Variants in SCGB2A2 observed in about 807,000 individuals in gnomAD.
The protein encoded by SCGB2A2 is secretoglobin family 2A member 2.
In SCGB2A2, 11 loss-of-function variants were observed where a neutral mutation model predicts 8.8. That is an observed-to-expected ratio of 1.25 (90% confidence interval 0.79 to 2.07). The LOEUF (loss-of-function observed/expected upper bound fraction) is 2.07. SCGB2A2 is among the 30% of genes most tolerant of loss of function. The probability of loss-of-function intolerance (pLI) is 0.00; values close to 1 mark genes in which losing one functional copy is unlikely to be tolerated. For synonymous variants in SCGB2A2, 42 were observed against 40.9 expected (o/e 1.03, Z -0.10); for missense variants, 113 against 109.9 (o/e 1.03, Z -0.13).
At chr11:62,271,488 C>A in intron 2 of SCGB2A2, 3 of 1,262,618 alleles carry the variant, frequency 2.4e-6, no homozygotes, top group Non-Finnish European at 3.0e-6. Context: ...CATAGACAGA[C>A]AGGCAAAGAC....
At chr11:62,271,748 C>G (rs1176017319) in intron 2 of SCGB2A2, 6 of 986,080 alleles carry the variant, frequency 6.1e-6, no homozygotes, top group Non-Finnish European at 7.2e-6. Context: ...TTAAAAAATG[C>G]CCTATTTTTC....
intron 1 of SCGB2A2, 106 bp from the exon 2 acceptor site, chr11:62,270,775 G>A (rs1225341113): frequency 1.3e-6 from 1 of 793,522 alleles, no homozygotes; most frequent in Non-Finnish European, 2.0e-6. Context: ...CATTATCTTT[G>A]AGTCTATATT....
intron 2 of SCGB2A2, chr11:62,271,562 C>A: frequency 1.8e-6 from 2 of 1,084,486 alleles, no homozygotes; most frequent in Non-Finnish European, 2.2e-6. Flanking sequence ...CACAAACACA[C>A]AGACAGAACC....
At chr11:62,270,828 C>T (rs1945271166) in intron 1 of SCGB2A2, 53 bp from the exon 2 acceptor site, 4 of 1,436,482 alleles carry the variant, frequency 2.8e-6, no homozygotes, top group Admixed American at 1.8e-5. Flanking sequence ...AGGTCTGCCC[C>T]AAGCCTTTCA....
rs376630772 is a variant in SCGB2A2 at position 62,270,962 on chromosome 11, T to C, written c.137T>C (p.Leu46Pro). 1.6e-5 allele frequency: 26 copies of C among 1,614,050 alleles called. No homozygotes were observed. Among genetic ancestry groups the C allele is most frequent in the Non-Finnish European group, 2.0e-5 (24 of 1,179,998 alleles). ...QVSKTEYKEL[L>P]QEFIDDNATT... ...TCTAAGACTGAATACAAAGAACTTC[T>C]TCAAGAGTTCATAGACGACAATGCC... is the stretch of plus-strand genomic sequence containing the variant. Residue 46 changes from leucine (L) to proline (P), a missense_variant, in exon 2 of 3, where the codon CTT (leucine) becomes CCT (proline). Coordinates refer to ENST00000227918, the MANE Select transcript of SCGB2A2 (RefSeq NM_002411.4).
At chr11:62,271,608 C>T in intron 2 of SCGB2A2, 1 of 1,031,998 alleles carries the variant, frequency 9.7e-7, no homozygotes, top group Non-Finnish European at 1.2e-6. Context: ...CACACAAACA[C>T]ACTCAGACAC....
chr11:62,272,913 A>C, intron 2 of SCGB2A2, 44 bp from the exon 3 acceptor site: 2 of 1,407,100 alleles, frequency 1.4e-6, no homozygotes, highest in Non-Finnish European at 2.0e-6. Flanking sequence ...ATTTTGTTAG[A>C]GAGTGCAGAA....
In SCGB2A2 at chr11:62,270,969, G is replaced by A. The variant is rs1181662134; in HGVS notation, c.144G>A (p.Glu48=). The change falls in exon 2 of 3, where the codon GAG becomes GAA. Residue 48 remains glutamate (E), a synonymous_variant. Coordinates refer to ENST00000227918, the MANE Select transcript of SCGB2A2 (RefSeq NM_002411.4). ...CTGAATACAAAGAACTTCTTCAAGA[G>A]TTCATAGACGACAATGCCACTACAA... The part of the protein sequence containing the change: ...SKTEYKELLQ[E]FIDDNATTNA... 6 of 1,614,102 alleles carry A rather than the reference G, an allele frequency of 3.7e-6. No individual in the cohort carries two copies. Among genetic ancestry groups the A allele is most frequent in the Middle Eastern group, 1.6e-4 (1 of 6,062 alleles).
intron 2 of SCGB2A2, chr11:62,271,833 C>G: frequency 1.0e-6 from 1 of 984,844 alleles, no homozygotes; most frequent in South Asian, 4.7e-5. Context: ...CACTTCCAGG[C>G]AATCATAATT....
chr11:62,271,934 A>G (rs1402828163), intron 2 of SCGB2A2: 2 of 961,780 alleles, frequency 2.1e-6, no homozygotes, highest in African/African-American at 3.5e-5. Context: ...AATTGCCTCA[A>G]ACAAAAACCA....
rs1672614392 is a variant in SCGB2A2 at position 62,271,702 on chromosome 11, C to A, written c.243+634C>A. ...CCTATAGACCAATCTGCAGAGAAAA[C>A]TTCTCTTCTTCAAAAAAAAGTAAAA... On this transcript the variant is annotated intron_variant, in intron 2 of 2. Transcript: ENST00000227918. 3 of 985,948 alleles carry A rather than the reference C, an allele frequency of 3.0e-6. No individual in the cohort carries two copies. In the South Asian group the frequency reaches 1.4e-4, roughly 46 times the overall value. 61.1% of individuals were successfully genotyped at this position (985,948 alleles called of 1,614,324 possible). A position where few individuals can be genotyped will look rare whatever the true frequency, so the allele number is the denominator to read the frequency against.
intron 2 of SCGB2A2, chr11:62,271,318 G>A (rs1394565208): frequency 3.3e-5 from 47 of 1,442,242 alleles, no homozygotes; most frequent in Non-Finnish European, 3.8e-5. Flanking sequence ...AGGAAAGGTC[G>A]GTAGAAGTCT....
rs962771904 is a variant in SCGB2A2, at chr11:62,271,752, A to G, written c.243+684A>G. The stretch of plus-strand genomic sequence containing the variant: ...AGTGTTCTTTCTTAAAAAATGCCCT[A>G]TTTTTCAACAGTTTGGAAAATACCA... On this transcript the variant is annotated intron_variant, in intron 2 of 2. Transcript: ENST00000227918. 20 of 986,138 alleles carry G rather than the reference A, an allele frequency of 2.0e-5. No homozygotes were observed. The Admixed American group carries it at 2.4e-4, about 12-fold the overall frequency. The allele number at this position is 986,138 out of a possible 1,614,324, so 61.1% of individuals were successfully genotyped here. A position where few individuals can be genotyped will look rare whatever the true frequency, so the allele number is the denominator to read the frequency against.
At position 62,270,272 on chromosome 11, in the gene SCGB2A2, G is replaced by A; in HGVS notation, c.55+1G>A. On this transcript the variant is annotated splice_donor_variant, in intron 1 of 2. Coordinates refer to ENST00000227918, the MANE Select transcript of SCGB2A2 (RefSeq NM_002411.4). LOFTEE classifies it high-confidence loss of function. ...GCCCTCTCCCAGCACTGCTACGCAGGTGAGTTCTGTGCAGGGAGGGCTGCC... is the reference window on the plus strand; with the variant it reads ...GCCCTCTCCCAGCACTGCTACGCAGATGAGTTCTGTGCAGGGAGGGCTGCC... 2 of 1,613,764 alleles carry A rather than the reference G, an allele frequency of 1.2e-6. No homozygotes were observed. The highest frequency in any genetic ancestry group is 1.7e-4 in the Middle Eastern group (1 of 6,060).
chr11:62,270,216 C>G lies in SCGB2A2; in HGVS notation c.-1C>G. 1 of 1,613,964 alleles carries G rather than the reference C, an allele frequency of 6.2e-7. No individual in the cohort carries two copies. Reference sequence around the variant, plus strand: ...TGAACACCGACAGCAGCAGCCTCACCATGAAGTTGCTGATGGTCCTCATGC... The same window carrying G: ...TGAACACCGACAGCAGCAGCCTCACGATGAAGTTGCTGATGGTCCTCATGC... On this transcript the variant is annotated 5_prime_UTR_variant, in exon 1 of 3. Transcript: ENST00000227918.
At chr11:62,270,784 T>C in intron 1 of SCGB2A2, 97 bp from the exon 2 acceptor site, 1 of 861,094 alleles carries the variant, frequency 1.2e-6, no homozygotes, top group Non-Finnish European at 1.8e-6. Context: ...TGAGTCTATA[T>C]TCTCTTGGGC....
chr11:62,272,482 C>T (rs1945287344), intron 2 of SCGB2A2, among the ~76,000 whole-genome samples: 2 of 152,058 alleles, frequency 1.3e-5, no homozygotes, highest in African/African-American at 4.8e-5. Flanking sequence ...TTATCAACTG[C>T]AGGGAAGGGT....
Position 62,270,935 on chromosome 11 carries a change from T to G in SCGB2A2, c.110T>G (p.Val37Gly). 1 of 1,614,160 alleles carries G rather than the reference T, an allele frequency of 6.2e-7. No homozygotes were observed. Among genetic ancestry groups the G allele is most frequent in the Non-Finnish European group, 8.5e-7 (1 of 1,180,026 alleles). The change falls in exon 2 of 3, where the codon GTG (valine) becomes GGG (glycine). Residue 37 changes from valine (V) to glycine (G), a missense_variant. Val to Gly is a moderately radical substitution (Grantham distance 109). Coordinates refer to ENST00000227918, the MANE Select transcript of SCGB2A2 (RefSeq NM_002411.4). ...NVISKTINPQ[V>G]SKTEYKELLQ... ...ATTTCCAAGACAATCAATCCACAAG[T>G]GTCTAAGACTGAATACAAAGAACTT...
At chr11:62,270,451 C>T (rs945337947) in intron 1 of SCGB2A2, among the ~76,000 whole-genome samples, 180 bp downstream of exon 1, 2 of 152,150 alleles carry the variant, frequency 1.3e-5, no homozygotes, top group Non-Finnish European at 2.9e-5. Flanking sequence ...GCAGTCTGTC[C>T]ACCTCGGCCT....
Sources: allele counts gnomAD v4.1 joint callset (sites outside exome capture counted in the v4.1 genomes callset), GRCh38; gene constraint gnomAD v4.1.1; transcripts MANE v1.5; gene names NCBI Gene and HGNC (gene_info 2026-07-23, HGNC 2026-07-21).